Variants in NLGN1 observed in about 807,000 individuals in gnomAD.
NLGN1 encodes the protein neuroligin 1.
In NLGN1, 12 loss-of-function variants were observed where a neutral mutation model predicts 65.5. The ratio of observed to expected loss-of-function variants is 0.18; its 90% confidence interval spans 0.12 to 0.30. The LOEUF is 0.30. Among genes scored for constraint, NLGN1 ranks in the 10% least tolerant of loss-of-function variants. NLGN1 has a pLI of 1.00. For synonymous variants in NLGN1, 350 were observed against 359.5 expected (o/e 0.97, Z 0.30); for missense variants, 750 against 1,007.1 (o/e 0.74, Z 3.46).
At chr3:173,512,874 G>GATGT (rs1733209655) in intron 2 of NLGN1, among the ~76,000 whole-genome samples, 1 of 152,190 alleles carries the variant, frequency 6.6e-6, no homozygotes, top group South Asian at 2.1e-4. Context: ...AGATGAGCTT[G>GATGT]ATGTATGGGT....
intron 4 of NLGN1, among the ~76,000 whole-genome samples, chr3:173,879,106 G>A (rs138076663): frequency 0.011 from 1,726 of 152,100 alleles, 37 homozygotes; most frequent in African/African-American, 0.036. Context: ...GGTGGCACAT[G>A]TCTGTAGTCC....
chr3:173,563,070 G>A (rs556268025), intron 2 of NLGN1, among the ~76,000 whole-genome samples: 38 of 152,256 alleles, frequency 2.5e-4, no homozygotes, highest in South Asian at 1.2e-3. Flanking sequence ...TCAGGCTTGT[G>A]CTATAAAATG....
At chr3:173,838,351 G>A (rs79617084) in intron 4 of NLGN1, among the ~76,000 whole-genome samples, 14,790 of 151,846 alleles carry the variant, frequency 0.097, 764 homozygotes, top group Middle Eastern at 0.17. Context: ...ACATTTACTC[G>A]TATTGCTTTT....
chr3:173,716,614 G>A (rs995780694), intron 3 of NLGN1, among the ~76,000 whole-genome samples: 1 of 152,108 alleles, frequency 6.6e-6, no homozygotes, highest in African/African-American at 2.4e-5. Context: ...CCCGGGGGCT[G>A]AATGCACAGC....
intron 4 of NLGN1, among the ~76,000 whole-genome samples, chr3:173,971,760 A>G (rs1387145673): frequency 1.3e-5 from 2 of 152,088 alleles, no homozygotes; most frequent in South Asian, 2.1e-4. Flanking sequence ...CAAAAAGCCA[A>G]TACTTGTGTA....
At chr3:174,074,022 A>C (rs1476976983) in intron 4 of NLGN1, among the ~76,000 whole-genome samples, 1 of 152,214 alleles carries the variant, frequency 6.6e-6, no homozygotes, top group African/African-American at 2.4e-5. Context: ...CAGATACACT[A>C]GCAGAAAGTA....
At chr3:174,023,954 C>T (rs754684766) in intron 4 of NLGN1, among the ~76,000 whole-genome samples, 1 of 151,964 alleles carries the variant, frequency 6.6e-6, no homozygotes, top group South Asian at 2.1e-4. Flanking sequence ...CCTTGTATAC[C>T]TCTGATGACA....
intron 4 of NLGN1, among the ~76,000 whole-genome samples, chr3:174,147,891 A>G (rs1035937212): frequency 6.6e-6 from 1 of 152,172 alleles, no homozygotes. Context: ...TGATAATGAC[A>G]TGAATATTAT....
chr3:173,396,390 CTG>C (rs2148583847), upstream of NLGN1: 1 of 152,312 alleles, frequency 6.6e-6, no homozygotes, highest in Non-Finnish European at 1.5e-5. Flanking sequence ...ACAGAAGCAT[CTG>C]TGGTGCTTTT....
chr3:173,881,678 G>A (rs921679849), intron 4 of NLGN1, among the ~76,000 whole-genome samples: 12 of 151,836 alleles, frequency 7.9e-5, no homozygotes, highest in Admixed American at 3.3e-4. Context: ...CACCCACCTC[G>A]GCCTCCCAAA....
chr3:173,994,433 A>G (rs1041972270), intron 4 of NLGN1, among the ~76,000 whole-genome samples: 10 of 139,514 alleles, frequency 7.2e-5, no homozygotes, highest in Non-Finnish European at 1.5e-4. Flanking sequence ...TTTCTTTTGT[A>G]TGAAAATTTT....
intron 4 of NLGN1, among the ~76,000 whole-genome samples, chr3:174,089,820 T>A (rs2152563150): frequency 1.3e-5 from 2 of 152,182 alleles, no homozygotes; most frequent in Middle Eastern, 6.8e-3. Flanking sequence ...CCAGAATTTC[T>A]ATGGCAAATT....
intron 3 of NLGN1, among the ~76,000 whole-genome samples, chr3:173,793,719 A>G (rs963874562): frequency 6.6e-6 from 1 of 152,104 alleles, no homozygotes; most frequent in Non-Finnish European, 1.5e-5. Flanking sequence ...CTCCTTTTTC[A>G]TCATCTAATT....
At chr3:173,590,252 C>G (rs1002718048) in intron 2 of NLGN1, among the ~76,000 whole-genome samples, 3 of 152,114 alleles carry the variant, frequency 2.0e-5, no homozygotes, top group African/African-American at 7.2e-5. Flanking sequence ...ATCTGTATTA[C>G]TTACTGTCCA....
At chr3:173,711,387 A>G (rs1258927401) in intron 3 of NLGN1, among the ~76,000 whole-genome samples, 2 of 152,188 alleles carry the variant, frequency 1.3e-5, no homozygotes, top group Non-Finnish European at 1.5e-5. Context: ...ACATGAAGAA[A>G]CAGAAGTCAC....
At position 173,545,108 on chromosome 3, in the gene NLGN1, C is replaced by T. The variant is rs1454434936; in HGVS notation, c.-320-59171C>T. On this transcript the variant is annotated intron_variant, in intron 2 of 6. Transcript: ENST00000457714. ...GTTTTGTTTGAGATGGAGTTTCACTCTTGTCGCCCAGGCTGGAGTGTAAAG... is the reference window on the plus strand; with the variant it reads ...GTTTTGTTTGAGATGGAGTTTCACTTTTGTCGCCCAGGCTGGAGTGTAAAG... Among the ~76,000 whole-genome samples the T allele has an allele frequency of 3.3e-5, 5 of 151,422 alleles. No homozygotes were observed. In the South Asian group the frequency reaches 1.0e-3, roughly 32 times the overall value.
intron 4 of NLGN1, among the ~76,000 whole-genome samples, chr3:174,254,173 G>A (rs1745246459): frequency 6.6e-6 from 1 of 152,104 alleles, no homozygotes; most frequent in Admixed American, 6.6e-5. Flanking sequence ...GGATATTTCA[G>A]TTCCTTGTTT....
At chr3:174,268,749 A>G (rs149223200) in intron 4 of NLGN1, among the ~76,000 whole-genome samples, 1 of 152,102 alleles carries the variant, frequency 6.6e-6, no homozygotes, top group South Asian at 2.1e-4. Context: ...ATCTATTTAC[A>G]GTCATCTTCT....
chr3:174,085,834 A>C (rs951748295), intron 4 of NLGN1, among the ~76,000 whole-genome samples: 1 of 152,052 alleles, frequency 6.6e-6, no homozygotes, highest in Non-Finnish European at 1.5e-5. Context: ...TATTCATTCT[A>C]TAACTTTTCA....
Sources: gnomAD v4.1 joint callset for allele counts (sites outside exome capture counted in the v4.1 genomes callset) on GRCh38, gnomAD v4.1.1 for gene constraint, MANE v1.5 for transcripts, NCBI Gene and HGNC (gene_info 2026-07-23, HGNC 2026-07-21) for gene names.